BLTP3B: variants seen among roughly 807,000 people sequenced by gnomAD.
The protein encoded by BLTP3B is UHRF1 (ICBP90) binding protein 1-like.
At chr12:100,135,516 G>A in the BLTP3B span, among the ~76,000 whole-genome samples, 5 of 151,934 alleles carry the variant, frequency 3.3e-5, no homozygotes, top group African/African-American at 9.7e-5. Flanking sequence ...TGATCTGCCC[G>A]CCTCAGCCTC....
At chr12:100,055,552 C>T in the BLTP3B span, among the ~76,000 whole-genome samples, 1 of 151,614 alleles carries the variant, frequency 6.6e-6, no homozygotes, top group Non-Finnish European at 1.5e-5. Flanking sequence ...TGGTGGGTGC[C>T]TGTAATCCCA....
chr12:100,079,136 C>G, the BLTP3B span, among the ~76,000 whole-genome samples: 14 of 152,050 alleles, frequency 9.2e-5, no homozygotes, highest in African/African-American at 3.4e-4. Context: ...GTGTGAAAAC[C>G]GACTAATACA....
At chr12:100,086,988 G>A in the BLTP3B span, among the ~76,000 whole-genome samples, 2 of 151,820 alleles carry the variant, frequency 1.3e-5, no homozygotes, top group Non-Finnish European at 1.5e-5. Context: ...GTGAAACTCC[G>A]TCTCTACTAA....
chr12:100,097,604 T>C, the BLTP3B span: 18 of 1,313,222 alleles, frequency 1.4e-5, no homozygotes, highest in African/African-American at 7.4e-5. Context: ...TCTCAGTTAA[T>C]TTTCACATGA....
At chr12:100,115,866 G>C in the BLTP3B span, among the ~76,000 whole-genome samples, 2 of 152,112 alleles carry the variant, frequency 1.3e-5, no homozygotes, top group South Asian at 4.2e-4. Context: ...ACCAACTAAT[G>C]CAATTCACCA....
chr12:100,048,133 C>T, the BLTP3B span: 9 of 1,609,752 alleles, frequency 5.6e-6, no homozygotes, highest in African/African-American at 1.2e-4. Flanking sequence ...ACCAGGCCCA[C>T]TTTCAAATCT....
chr12:100,098,320 A>T, the BLTP3B span: 1 of 1,540,684 alleles, frequency 6.5e-7, no homozygotes. Flanking sequence ...TCACTAAATG[A>T]AACATTTAAA....
the BLTP3B span, among the ~76,000 whole-genome samples, chr12:100,121,769 C>T: frequency 4.6e-5 from 7 of 152,148 alleles, no homozygotes; most frequent in East Asian, 9.7e-4. Context: ...GCGGAGGCTG[C>T]GGTGAGCTGA....
the BLTP3B span, chr12:100,098,400 T>A: frequency 6.2e-7 from 1 of 1,613,386 alleles, no homozygotes; most frequent in Non-Finnish European, 8.5e-7. Flanking sequence ...AATCTCCATG[T>A]TCCCAGTGTG....
chr12:100,049,159 T>C, the BLTP3B span, among the ~76,000 whole-genome samples: 4 of 152,092 alleles, frequency 2.6e-5, no homozygotes. Flanking sequence ...AATGCATTAT[T>C]TAAATTCCTA....
chr12:100,109,653 C>T, the BLTP3B span, among the ~76,000 whole-genome samples: 3 of 151,752 alleles, frequency 2.0e-5, no homozygotes, highest in African/African-American at 4.8e-5. Flanking sequence ...GTAGTCCCAG[C>T]TATTCAGGAG....
chr12:100,136,483 T>A, the BLTP3B span, among the ~76,000 whole-genome samples: 1 of 152,206 alleles, frequency 6.6e-6, no homozygotes, highest in Non-Finnish European at 1.5e-5. Flanking sequence ...GTCTTACTCA[T>A]CTTTGTATCT....
At chr12:100,049,012 G>A in the BLTP3B span, among the ~76,000 whole-genome samples, 1 of 151,982 alleles carries the variant, frequency 6.6e-6, no homozygotes, top group African/African-American at 2.4e-5. Context: ...TTGCTTATTT[G>A]TTTTATGCTA....
the BLTP3B span, among the ~76,000 whole-genome samples, chr12:100,119,781 A>C: frequency 2.0e-5 from 3 of 152,210 alleles, no homozygotes; most frequent in Admixed American, 2.0e-4. Context: ...ACCTCACCCC[A>C]TAAACAAAAA....
chr12:100,055,670 T>A, the BLTP3B span, among the ~76,000 whole-genome samples: 9 of 82,200 alleles, frequency 1.1e-4, no homozygotes, highest in Admixed American at 1.2e-4. Flanking sequence ...AGAAAAAAAC[T>A]ACATCTCAAA....
the BLTP3B span, chr12:100,058,068 G>T: frequency 6.3e-7 from 1 of 1,589,728 alleles, no homozygotes; most frequent in Non-Finnish European, 8.5e-7. Context: ...AACTGGGGGG[G>T]TCTCTTCTTT....
the BLTP3B span, among the ~76,000 whole-genome samples, chr12:100,108,967 T>C: frequency 6.6e-6 from 1 of 151,948 alleles, no homozygotes; most frequent in Non-Finnish European, 1.5e-5. Context: ...AAAAATACAA[T>C]TAGGTAGAAT....
At chr12:100,097,418 G>A in the BLTP3B span, 39 of 1,613,352 alleles carry the variant, frequency 2.4e-5, no homozygotes, top group Non-Finnish European at 3.1e-5. Context: ...AATCGAACAG[G>A]AGCACACATA....
chr12:100,128,719 G>A, the BLTP3B span: 2 of 1,287,916 alleles, frequency 1.6e-6, no homozygotes, highest in Non-Finnish European at 1.0e-6. Context: ...ACAGCCAGCA[G>A]GGAACGCTGC....
Sources: gnomAD v4.1 joint callset for allele counts (sites outside exome capture counted in the v4.1 genomes callset) on GRCh38, gnomAD v4.1.1 for gene constraint, MANE v1.5 for transcripts, NCBI Gene and HGNC (gene_info 2026-07-23, HGNC 2026-07-21) for gene names.